The following SORCS1 variants were observed in gnomAD, a reference collection of about 807,000 sequenced individuals.
SORCS1 encodes the protein sortilin related VPS10 domain containing receptor 1, also known as VPS10 domain-containing receptor SorCS1.
SORCS1 carries 60 observed loss-of-function variants against 146.1 expected under a neutral mutation model. That is an observed-to-expected ratio of 0.41 (90% CI 0.33 to 0.51). The LOEUF is 0.51. Ranked by LOEUF, SORCS1 falls within the 20% of genes least tolerant of loss-of-function variation. The pLI is 0.21. For missense variants in SORCS1, 1,352 were observed against 1,487.6 expected (o/e 0.91, Z 1.50); for synonymous variants, 637 against 584.0 (o/e 1.09, Z -1.31).
intron 3 of SORCS1, among the ~76,000 whole-genome samples, chr10:106,808,703 T>C (rs759589510): frequency 3.3e-5 from 5 of 152,166 alleles, no homozygotes; most frequent in African/African-American, 4.8e-5. Flanking sequence ...GGGGTTTCAC[T>C]GTGTTAGCCA....
At chr10:106,959,398 TTTTC>T (rs1955117612) in intron 1 of SORCS1, among the ~76,000 whole-genome samples, 1 of 152,228 alleles carries the variant, frequency 6.6e-6, no homozygotes, top group African/African-American at 2.4e-5. Flanking sequence ...TGAGATTTCT[TTTTC>T]TTTTTTCCCT....
chr10:106,760,293 A>C (rs536345144), intron 5 of SORCS1, among the ~76,000 whole-genome samples: 1 of 151,688 alleles, frequency 6.6e-6, no homozygotes, highest in South Asian at 2.1e-4. Flanking sequence ...AAATACAAAA[A>C]CTTAGCCAGG....
rs373016800 is a variant in SORCS1 at position 106,949,241 on chromosome 10, A to T, written c.626+7272T>A. ...ATCACACTCTGGTTTTATTATTATT[A>T]TTTTTTCTTTTTAGGATGTGCATAT... On this transcript the variant is annotated intron_variant, in intron 2 of 25. Transcript: ENST00000263054. 1.9e-3 allele frequency among the ~76,000 whole-genome samples: 289 copies of T among 151,868 alleles called. 3 individuals carry two copies. Among genetic ancestry groups the T allele is most frequent in the African/African-American group, 6.1e-3 (253 of 41,498 alleles).
At chr10:106,889,671 A>G (rs148772933) in intron 2 of SORCS1, among the ~76,000 whole-genome samples, 5,531 of 152,022 alleles carry the variant, frequency 0.036, 260 homozygotes, top group African/African-American at 0.1. Context: ...AGGCCAAGGC[A>G]GGCAGATCAC....
At chr10:106,622,354 C>T (rs1311965237) in intron 19 of SORCS1, among the ~76,000 whole-genome samples, 2 of 140,774 alleles carry the variant, frequency 1.4e-5, no homozygotes, top group Non-Finnish European at 3.0e-5. Flanking sequence ...ATAGCTAACA[C>T]ACATTGATTT....
intron 4 of SORCS1, among the ~76,000 whole-genome samples, chr10:106,773,948 C>CAA (rs201554993): frequency 2.1e-5 from 3 of 143,868 alleles, no homozygotes; most frequent in Admixed American, 7.0e-5. Flanking sequence ...GACTCCATCT[C>CAA]AAAAAAAAAA....
chr10:107,066,595 ATTGAG>A (rs1961880371), intron 1 of SORCS1, among the ~76,000 whole-genome samples: 1 of 152,198 alleles, frequency 6.6e-6, no homozygotes, highest in South Asian at 2.1e-4. Context: ...TGATCAAGTC[ATTGAG>A]TTAATTATCA....
intron 1 of SORCS1, among the ~76,000 whole-genome samples, chr10:107,033,178 G>C (rs964952036): frequency 6.6e-6 from 1 of 152,120 alleles, no homozygotes; most frequent in African/African-American, 2.4e-5. Flanking sequence ...GCAGGAAAGA[G>C]AATGTGCGCA....
At chr10:107,012,037 C>T (rs1025656324) in intron 1 of SORCS1, among the ~76,000 whole-genome samples, 6 of 152,182 alleles carry the variant, frequency 3.9e-5, no homozygotes, top group African/African-American at 7.2e-5. Context: ...AGCAGTTCCT[C>T]GAAGATAACA....
At position 106,694,309 on chromosome 10, in the gene SORCS1, G is replaced by A. The variant is rs146791854; in HGVS notation, c.1413+4905C>T. Among the ~76,000 whole-genome samples, 78 of 151,990 alleles carry A rather than the reference G, an allele frequency of 5.1e-4. No individual in the cohort carries two copies. In the South Asian group the frequency reaches 9.4e-3, roughly 18 times the overall value. On this transcript the variant is annotated intron_variant, in intron 9 of 25. Transcript: ENST00000263054. ...TTTTGAGGAGGAGTCTTGCTCTGTC[G>A]CCCAGGCTGGCACCATCTCGGCTCA...
Position 107,139,519 on chromosome 10 carries a change from A to G in SORCS1, c.558+24450T>C, listed in dbSNP as rs1472860146. On this transcript the variant is annotated intron_variant, in intron 1 of 25. Transcript: ENST00000263054. ...GATGCCAGAGAGATTGGGAAGAGAG[A>G]GAGGGAGAGAAAGAGAAAAGGAAAG... Among the ~76,000 whole-genome samples, 6 of 152,280 alleles carry G rather than the reference A, an allele frequency of 3.9e-5. No individual in the cohort carries two copies. The South Asian group carries it at 6.2e-4, about 16-fold the overall frequency.
At chr10:106,749,004 T>C (rs929515354) in intron 5 of SORCS1, among the ~76,000 whole-genome samples, 4 of 152,192 alleles carry the variant, frequency 2.6e-5, no homozygotes, top group Non-Finnish European at 5.9e-5. Flanking sequence ...GGAACAGAAA[T>C]GCCATCATGC....
chr10:107,034,346 G>A (rs1958795312), intron 1 of SORCS1, among the ~76,000 whole-genome samples: 1 of 151,948 alleles, frequency 6.6e-6, no homozygotes, highest in Non-Finnish European at 1.5e-5. Context: ...AGGCATTTGT[G>A]CGCTTTCCAC....
intron 2 of SORCS1, among the ~76,000 whole-genome samples, chr10:106,876,976 C>T (rs1255072713): frequency 1.3e-5 from 2 of 152,130 alleles, no homozygotes; most frequent in African/African-American, 2.4e-5. Flanking sequence ...TGTGCCTGTA[C>T]TGTTTCCTTT....
intron 1 of SORCS1, among the ~76,000 whole-genome samples, chr10:107,009,106 T>C (rs946562371): frequency 1.3e-5 from 2 of 152,230 alleles, no homozygotes; most frequent in Non-Finnish European, 2.9e-5. Context: ...GTTAAATTAT[T>C]CCACGTCGAT....
intron 7 of SORCS1, among the ~76,000 whole-genome samples, chr10:106,707,694 G>C (rs1231339675): frequency 6.6e-6 from 1 of 152,076 alleles, no homozygotes; most frequent in Non-Finnish European, 1.5e-5. Context: ...AAGAATCCTG[G>C]TGGGTGTGAG....
chr10:106,783,142 C>T (rs1861025327), intron 3 of SORCS1, among the ~76,000 whole-genome samples: 1 of 152,172 alleles, frequency 6.6e-6, no homozygotes, highest in Admixed American at 6.5e-5. Flanking sequence ...TCAGTTTCCT[C>T]ATTGAAGACA....
intron 2 of SORCS1, among the ~76,000 whole-genome samples, chr10:106,878,944 G>A (rs1242650397): frequency 4.0e-5 from 6 of 151,514 alleles, no homozygotes; most frequent in Non-Finnish European, 7.4e-5. Context: ...TCAGGAGATT[G>A]AGACCATCCT....
intron 2 of SORCS1, among the ~76,000 whole-genome samples, chr10:106,857,374 T>A (rs939282283): frequency 1.3e-5 from 2 of 152,208 alleles, no homozygotes; most frequent in Non-Finnish European, 2.9e-5. Flanking sequence ...ACTCAGGCTA[T>A]AGAGGGAAGC....
Sources: gnomAD v4.1 joint callset for allele counts (sites outside exome capture counted in the v4.1 genomes callset) on GRCh38, gnomAD v4.1.1 for gene constraint, MANE v1.5 for transcripts, NCBI Gene and HGNC (gene_info 2026-07-23, HGNC 2026-07-21) for gene names.